Variants in CHLSN observed in about 807,000 individuals in gnomAD.
The protein encoded by CHLSN is protein cholesin.
At chr7:1,120,948 T>TG in the CHLSN span, among the ~76,000 whole-genome samples, 1,635 of 151,942 alleles carry the variant, frequency 0.011, 33 homozygotes, top group African/African-American at 0.038. Context: ...CAGATGGACA[T>TG]GGGGCAGCGC....
the CHLSN span, among the ~76,000 whole-genome samples, chr7:1,047,155 T>A: frequency 6.6e-6 from 1 of 152,264 alleles, no homozygotes; most frequent in Non-Finnish European, 1.5e-5. Flanking sequence ...AAAAGAATGC[T>A]GTTCCACCTT....
the CHLSN span, among the ~76,000 whole-genome samples, chr7:1,126,988 C>T: frequency 3.5e-4 from 54 of 152,202 alleles, no homozygotes; most frequent in African/African-American, 1.0e-3. Context: ...TCCTGCATGC[C>T]GCCACCAAGT....
chr7:1,085,706 C>T, the CHLSN span, among the ~76,000 whole-genome samples: 1 of 151,180 alleles, frequency 6.6e-6, no homozygotes. Flanking sequence ...TAGCGGCTCG[C>T]ATCTGTAGTC....
the CHLSN span, among the ~76,000 whole-genome samples, chr7:1,091,075 G>A: frequency 1.8e-4 from 28 of 152,246 alleles, no homozygotes; most frequent in East Asian, 4.6e-3. Flanking sequence ...GTCCTGGGGC[G>A]GCCGTGCCCA....
At chr7:1,017,846 C>T in the CHLSN span, among the ~76,000 whole-genome samples, 6 of 152,256 alleles carry the variant, frequency 3.9e-5, no homozygotes, top group African/African-American at 1.4e-4. Context: ...GCCCAGCATC[C>T]AGGGCTCAAA....
the CHLSN span, among the ~76,000 whole-genome samples, chr7:1,048,867 T>G: frequency 6.6e-6 from 1 of 152,230 alleles, no homozygotes; most frequent in East Asian, 1.9e-4. Flanking sequence ...CTCAGTCCCA[T>G]GTTCCTTTGA....
the CHLSN span, chr7:988,249 T>G: frequency 6.4e-7 from 1 of 1,552,694 alleles, no homozygotes; most frequent in East Asian, 2.3e-5. Context: ...CCGGGGCCCC[T>G]CTCTCTGTGC....
the CHLSN span, among the ~76,000 whole-genome samples, chr7:1,132,078 T>G: frequency 6.6e-6 from 1 of 152,178 alleles, no homozygotes; most frequent in Non-Finnish European, 1.5e-5. Context: ...AAGTCCTAAA[T>G]GGAAGAGCTA....
the CHLSN span, among the ~76,000 whole-genome samples, chr7:1,073,358 T>G: frequency 3.3e-5 from 5 of 152,088 alleles, no homozygotes; most frequent in African/African-American, 1.2e-4. Flanking sequence ...CGGAGACAAG[T>G]GGCCGGCAGC....
the CHLSN span, among the ~76,000 whole-genome samples, chr7:1,046,962 G>A: frequency 5.9e-5 from 9 of 152,322 alleles, no homozygotes; most frequent in Non-Finnish European, 1.0e-4. Context: ...ACCGGGGCTC[G>A]ACTGAGGAGC....
the CHLSN span, among the ~76,000 whole-genome samples, chr7:1,014,020 C>T: frequency 1.3e-5 from 2 of 152,194 alleles, no homozygotes; most frequent in Admixed American, 6.5e-5. Context: ...AGGCGGCCAG[C>T]GGGCCTGTCA....
chr7:1,133,337 G>A, the CHLSN span, among the ~76,000 whole-genome samples: 2 of 122,634 alleles, frequency 1.6e-5, no homozygotes, highest in Admixed American at 9.3e-5. Context: ...GTGGCAGAAG[G>A]AAAAAGTCTT....
chr7:1,091,794 G>A, the CHLSN span: 2,263 of 1,590,908 alleles, frequency 1.4e-3, 27 homozygotes, highest in South Asian at 0.016. Context: ...CGCAGCCTGC[G>A]GCCCCCAACA....
At chr7:1,101,381 CCCAGAGGGGCCCAGCTACT>C in the CHLSN span, among the ~76,000 whole-genome samples, 1 of 152,244 alleles carries the variant, frequency 6.6e-6, no homozygotes, top group African/African-American at 2.4e-5. Context: ...GCTGGGAGTC[CCCAGAGGGGCCCAGCTACT>C]CTCAGAGCAG....
chr7:1,102,427 G>A, the CHLSN span, among the ~76,000 whole-genome samples: 2 of 152,200 alleles, frequency 1.3e-5, no homozygotes, highest in African/African-American at 2.4e-5. Flanking sequence ...AAGTTCTTCC[G>A]CTCATCCACG....
chr7:980,684 C>CT, the CHLSN span, among the ~76,000 whole-genome samples: 9,509 of 97,054 alleles, frequency 0.098, 724 homozygotes, highest in African/African-American at 0.17. Flanking sequence ...GTAACAGTTA[C>CT]TTTTTTTTTT....
At chr7:986,554 G>A in the CHLSN span, 22 of 1,566,878 alleles carry the variant, frequency 1.4e-5, no homozygotes, top group Non-Finnish European at 1.8e-5. Flanking sequence ...CGCTGGGGAC[G>A]ATCACCGCCT....
chr7:1,063,628 C>T, the CHLSN span, among the ~76,000 whole-genome samples: 3 of 152,250 alleles, frequency 2.0e-5, no homozygotes, highest in Non-Finnish European at 4.4e-5. Flanking sequence ...GCCGCGCACG[C>T]TCACCAAGTG....
chr7:1,108,497 G>T, the CHLSN span, among the ~76,000 whole-genome samples: 2 of 152,216 alleles, frequency 1.3e-5, no homozygotes, highest in African/African-American at 4.8e-5. Flanking sequence ...CCAAACGCAC[G>T]GGTGTGCTGA....
Sources: allele counts gnomAD v4.1 joint callset (sites outside exome capture counted in the v4.1 genomes callset), GRCh38; gene constraint gnomAD v4.1.1; transcripts MANE v1.5; gene names NCBI Gene and HGNC (gene_info 2026-07-23, HGNC 2026-07-21).